Variants in KPNA1 observed in about 807,000 individuals in gnomAD.
KPNA1 encodes importin subunit alpha-5.
KPNA1 carries 10 observed loss-of-function variants against 70.5 expected under a neutral mutation model. The observed-to-expected ratio is 0.14, with a 90% CI of 0.09 to 0.24. KPNA1 has a LOEUF of 0.24. Ranked by LOEUF, KPNA1 falls within the 10% of genes least tolerant of loss-of-function variation. The pLI, the probability that KPNA1 is intolerant of heterozygous loss-of-function variation, is 1.00. For synonymous variants in KPNA1, 192 were observed against 221.9 expected, an observed-to-expected ratio of 0.87 and a Z score of 1.20; for missense variants, 397 against 637.9, an observed-to-expected ratio of 0.62 and a Z score of 4.07.
At chr3:122,503,250 T>C (rs73190168) in intron 1 of KPNA1, among the ~76,000 whole-genome samples, 34,042 of 143,282 alleles carry the variant, frequency 0.24, 4,232 homozygotes, top group Non-Finnish European at 0.29. Flanking sequence ...GTTGGAAGCA[T>C]GCATACATAT....
chr3:122,472,361 AAG>A (rs2076452152), intron 2 of KPNA1, among the ~76,000 whole-genome samples: 1 of 152,218 alleles, frequency 6.6e-6, no homozygotes, highest in Non-Finnish European at 1.5e-5. Flanking sequence ...AAGAGATCTC[AAG>A]AGAAATTTTA....
chr3:122,452,500 C>G (rs575982360), intron 6 of KPNA1, among the ~76,000 whole-genome samples: 26 of 86,254 alleles, frequency 3.0e-4, no homozygotes, highest in African/African-American at 1.2e-3. Context: ...CAGGGACAGA[C>G]GGAAGGAGGG....
At chr3:122,513,810 G>C (rs563008134) in intron 1 of KPNA1, among the ~76,000 whole-genome samples, 81 of 152,232 alleles carry the variant, frequency 5.3e-4, no homozygotes, top group Non-Finnish European at 9.4e-4. Context: ...CCCAAGACTA[G>C]TCCCAGCTAC....
intron 5 of KPNA1, among the ~76,000 whole-genome samples, chr3:122,457,026 CCA>C (rs1366524502): frequency 6.6e-6 from 1 of 152,152 alleles, no homozygotes; most frequent in Non-Finnish European, 1.5e-5. Context: ...ATGCAGGTAT[CCA>C]CATATGTATG....
intron 1 of KPNA1, among the ~76,000 whole-genome samples, chr3:122,502,179 G>T (rs2076836425): frequency 6.6e-6 from 1 of 152,140 alleles, no homozygotes. Context: ...CTTGGCCAGG[G>T]TTACACACTA....
intron 11 of KPNA1, among the ~76,000 whole-genome samples, chr3:122,436,463 C>T (rs991376065): frequency 2.0e-5 from 3 of 152,234 alleles, no homozygotes; most frequent in African/African-American, 4.8e-5. Flanking sequence ...CATCACGGAA[C>T]GTGCCGATAT....
At chr3:122,463,079 C>A (rs1339229022) in intron 4 of KPNA1, among the ~76,000 whole-genome samples, 4 of 152,110 alleles carry the variant, frequency 2.6e-5, no homozygotes, top group African/African-American at 9.7e-5. Context: ...AGGCCGGGCG[C>A]AGTGGCTCAC....
At chr3:122,496,997 C>T (rs757421957) in intron 1 of KPNA1, among the ~76,000 whole-genome samples, 1 of 152,212 alleles carries the variant, frequency 6.6e-6, no homozygotes, top group East Asian at 1.9e-4. Context: ...AGCCACTTCA[C>T]CTGGCCAGGT....
chr3:122,438,458 C>T (rs1228408338), intron 10 of KPNA1, among the ~76,000 whole-genome samples: 1 of 151,848 alleles, frequency 6.6e-6, no homozygotes, highest in Non-Finnish European at 1.5e-5. Flanking sequence ...ACAATCTCTG[C>T]TCACCGCAAC....
intron 1 of KPNA1, among the ~76,000 whole-genome samples, chr3:122,504,129 G>C (rs779032378): frequency 1.3e-5 from 2 of 152,168 alleles, no homozygotes; most frequent in African/African-American, 2.4e-5. Context: ...GCCAATGTTG[G>C]TTCATCAATT....
chr3:122,504,645 T>C (rs1256097785), intron 1 of KPNA1, among the ~76,000 whole-genome samples: 4 of 152,172 alleles, frequency 2.6e-5, no homozygotes, highest in African/African-American at 9.7e-5. Flanking sequence ...TCTGTGTGTG[T>C]GTGCGTGTGT....
chr3:122,457,922 C>T (rs2076282257), intron 5 of KPNA1: 2 of 1,211,330 alleles, frequency 1.7e-6, no homozygotes, highest in Admixed American at 6.1e-5. Flanking sequence ...GAGAACAGTG[C>T]CTGAGTCATC....
At chr3:122,438,532 ATGCG>A (rs1311413264) in intron 10 of KPNA1, among the ~76,000 whole-genome samples, 1 of 151,908 alleles carries the variant, frequency 6.6e-6, no homozygotes, top group East Asian at 1.9e-4. Context: ...GATTACAGGC[ATGCG>A]CCACCACGCC....
chr3:122,506,767 A>T (rs572108090), intron 1 of KPNA1, among the ~76,000 whole-genome samples: 1 of 152,286 alleles, frequency 6.6e-6, no homozygotes, highest in South Asian at 2.1e-4. Context: ...CCTTTGCCCC[A>T]AATTCTGACC....
intron 10 of KPNA1, among the ~76,000 whole-genome samples, chr3:122,440,714 G>A (rs569581774): frequency 6.6e-6 from 1 of 152,146 alleles, no homozygotes; most frequent in Non-Finnish European, 1.5e-5. Flanking sequence ...CTCTTCTGAA[G>A]TGTCTGAACT....
chr3:122,485,776 AAG>A (rs1337429150), intron 2 of KPNA1, among the ~76,000 whole-genome samples: 3 of 152,172 alleles, frequency 2.0e-5, no homozygotes, highest in Non-Finnish European at 4.4e-5. Context: ...AAATTGCTGA[AAG>A]AGTGAATATT....
Position 122,499,108 on chromosome 3 carries a change from T to A in KPNA1, c.-5-2538A>T, listed in dbSNP as rs150479915. On this transcript the variant is annotated intron_variant, in intron 1 of 13. Coordinates refer to ENST00000344337, the MANE Select transcript of KPNA1 (RefSeq NM_002264.4). ...GCTGAACTTGTTTAATTGGTGCTAATGCTTTATTTGATACACATCATGTCG... is the reference window on the plus strand; with the variant it reads ...GCTGAACTTGTTTAATTGGTGCTAAAGCTTTATTTGATACACATCATGTCG... 2.7e-5 allele frequency among the ~76,000 whole-genome samples: 4 copies of A among 149,898 alleles called. No individual in the cohort carries two copies. In the East Asian group the frequency reaches 8.0e-4, roughly 30 times the overall value.
At chr3:122,506,127 T>C (rs1033774663) in intron 1 of KPNA1, among the ~76,000 whole-genome samples, 1 of 150,840 alleles carries the variant, frequency 6.6e-6, no homozygotes, top group Non-Finnish European at 1.5e-5. Context: ...ATATTCAAGA[T>C]GTTATATATT....
intron 3 of KPNA1, among the ~76,000 whole-genome samples, chr3:122,466,354 G>A (rs1245334290): frequency 6.6e-6 from 1 of 151,916 alleles, no homozygotes; most frequent in African/African-American, 2.4e-5. Context: ...ATACTAGGTG[G>A]CTAAGCGGAA....
Sources: allele counts gnomAD v4.1 joint callset (sites outside exome capture counted in the v4.1 genomes callset), GRCh38; gene constraint gnomAD v4.1.1; transcripts MANE v1.5; gene names NCBI Gene and HGNC (gene_info 2026-07-23, HGNC 2026-07-21).